The following SAMM50 variants were observed in gnomAD, a reference collection of about 807,000 sequenced individuals.
SAMM50 encodes the protein sorting and assembly machinery component 50 homolog.
A neutral mutation model predicts 66.9 loss-of-function variants in SAMM50; 47 were observed. The ratio of observed to expected loss-of-function variants is 0.70; its 90% confidence interval spans 0.56 to 0.90. The LOEUF (loss-of-function observed/expected upper bound fraction) is 0.90, where lower values mean the gene tolerates loss of function less well. SAMM50 is among the 40% of genes least tolerant of loss of function. The pLI is 0.00. For missense variants in SAMM50, 535 were observed against 595.3 expected, an observed-to-expected ratio of 0.90 and a Z score of 1.05; for synonymous variants, 191 against 214.1, an observed-to-expected ratio of 0.89 and a Z score of 0.94.
intron 9 of SAMM50, 30 bp from the exon 10 acceptor site, chr22:43,977,842 C>T (rs780453725): frequency 2.0e-6 from 3 of 1,503,450 alleles, no homozygotes; most frequent in East Asian, 2.3e-5. Flanking sequence ...TCTGTTTGCT[C>T]CCTTTGACCT....
intron 14 of SAMM50, among the ~76,000 whole-genome samples, chr22:43,993,734 G>C (rs1247086940): frequency 6.6e-6 from 1 of 152,204 alleles, no homozygotes; most frequent in African/African-American, 2.4e-5. Flanking sequence ...CGTGAAGTTG[G>C]AGTGAGGTTG....
chr22:43,978,105 T>C (rs915274862), intron 10 of SAMM50, 147 bp downstream of exon 10: 2 of 590,780 alleles, frequency 3.4e-6, no homozygotes, highest in Admixed American at 3.1e-5. Flanking sequence ...TTTAGCCAGA[T>C]TTGCAGGTAG....
At chr22:43,957,822 G>A (rs958626087) in intron 1 of SAMM50, among the ~76,000 whole-genome samples, 3 of 152,070 alleles carry the variant, frequency 2.0e-5, no homozygotes, top group Non-Finnish European at 2.9e-5. Context: ...GCAGTGGCAC[G>A]GTCTTGGCTC....
In SAMM50 at chr22:43,989,229, C is replaced by T. The variant is rs35939255; in HGVS notation, c.1194C>T (p.Asn398=). Residue 398 remains asparagine, a synonymous_variant, in exon 13 of 15, where the codon AAC becomes AAT. Coordinates refer to ENST00000350028, the MANE Select transcript of SAMM50 (RefSeq NM_015380.5). Reference sequence around the variant, plus strand: ...TTTTCCGAACACACTTCTTTCTCAACGCAGGAAACCTCTGCAACCTCAACT... The same window carrying T: ...TTTTCCGAACACACTTCTTTCTCAATGCAGGAAACCTCTGCAACCTCAACT... ...GELFRTHFFL[N]AGNLCNLNYG... is the part of the protein sequence containing the mutation. 729 of 1,614,138 alleles carry T rather than the reference C, an allele frequency of 4.5e-4. 1 individual carries two copies. The African/African-American group carries it at 7.9e-3, about 17-fold the overall frequency.
chr22:43,976,703 A>G (rs2050234276), intron 8 of SAMM50, 47 bp from the exon 9 acceptor site: 1 of 1,422,708 alleles, frequency 7.0e-7, no homozygotes, highest in Non-Finnish European at 9.9e-7. Context: ...ATGGTTATCT[A>G]ATAGAACTTC....
intron 10 of SAMM50, among the ~76,000 whole-genome samples, chr22:43,979,548 C>T (rs555113235): frequency 2.6e-4 from 39 of 152,288 alleles, no homozygotes; most frequent in Non-Finnish European, 5.0e-4. Flanking sequence ...CGTTCTGAGT[C>T]GTCTCTGCTC....
rs2050316408 is a variant in SAMM50 at position 43,990,286 on chromosome 22, T to C, written c.1244T>C (p.Ile415Thr). The stretch of plus-strand genomic sequence containing the variant: ...TCAGGGGAGGGCCCCAAAGCTCATA[T>C]TCGTAAGCTGGCTGAGTGCATCCGC... ...LNYGEGPKAH[I>T]RKLAECIRWS... is the part of the protein sequence containing the mutation. Residue 415 changes from isoleucine (I) to threonine (T), a missense_variant, in exon 14 of 15, where the codon ATT becomes ACT. By Grantham distance (89) the Ile-to-Thr change is moderately conservative (BLOSUM62 -1). Transcript: ENST00000350028. 3 of 1,614,084 alleles carry C rather than the reference T, an allele frequency of 1.9e-6. No individual in the cohort carries two copies. Among genetic ancestry groups the C allele is most frequent in the South Asian group, 1.1e-5 (1 of 91,092 alleles).
At chr22:43,959,523 C>CACACACACACAA (rs1316503335) in intron 1 of SAMM50, among the ~76,000 whole-genome samples, 1 of 151,504 alleles carries the variant, frequency 6.6e-6, no homozygotes, top group African/African-American at 2.4e-5. Context: ...CACACACACA[C>CACACACACACAA]ACACACACAC....
At chr22:43,992,051 C>T (rs1466615334) in intron 14 of SAMM50, among the ~76,000 whole-genome samples, 2 of 112,352 alleles carry the variant, frequency 1.8e-5, no homozygotes, top group African/African-American at 8.3e-5. Context: ...AGCACCCCAG[C>T]CTGTTTTTTC....
At chr22:43,975,136 C>T (rs996628390) in intron 7 of SAMM50, 1 of 152,270 alleles carries the variant, frequency 6.6e-6, no homozygotes, top group Non-Finnish European at 1.5e-5. Flanking sequence ...TGCCTGAATC[C>T]CAGGTGGCCC....
rs1401117120 is a variant in SAMM50 at position 43,973,233 on chromosome 22, T to G, written c.561-3T>G. On this transcript the variant is annotated splice_region_variant and splice_polypyrimidine_tract_variant and intron_variant, in intron 6 of 14. Coordinates refer to ENST00000350028, the MANE Select transcript of SAMM50 (RefSeq NM_015380.5). ...TTTAAAGCTCTATCCCATTGTCTCCTAGTTTCTCTGTAAACTTATATAAAG... is the reference window on the plus strand; with the variant it reads ...TTTAAAGCTCTATCCCATTGTCTCCGAGTTTCTCTGTAAACTTATATAAAG... The G allele has an allele frequency of 5.1e-6, 8 of 1,572,754 alleles. No individual in the cohort carries two copies. The highest frequency in any genetic ancestry group is 7.0e-6 in the Non-Finnish European group (8 of 1,142,712).
intron 4 of SAMM50, among the ~76,000 whole-genome samples, chr22:43,970,156 G>A (rs925727100): frequency 6.6e-5 from 10 of 152,156 alleles, no homozygotes; most frequent in Admixed American, 5.2e-4. Context: ...ACACAGCTGG[G>A]AGACTGCCAA....
In SAMM50 at chr22:43,976,097, G is replaced by C; in HGVS notation, c.691G>C (p.Val231Leu). The change falls in exon 8 of 15, where the codon GTA becomes CTA. Residue 231 changes from valine (V) to leucine (L), a missense_variant. Transcript: ENST00000350028. ...KTSHTVKWEG[V>L]WRELGCLSRT... ...CAGCCACACTGTCAAGTGGGAAGGCGTATGGCGAGAACTGGGCTGCCTCTC... is the reference window on the plus strand; with the variant it reads ...CAGCCACACTGTCAAGTGGGAAGGCCTATGGCGAGAACTGGGCTGCCTCTC... The C allele has an allele frequency of 6.2e-7, 1 of 1,613,044 alleles. No individual in the cohort carries two copies. The highest frequency in any genetic ancestry group is 8.5e-7 in the Non-Finnish European group (1 of 1,179,040).
chr22:43,957,702 G>A (rs2050127159), intron 1 of SAMM50, among the ~76,000 whole-genome samples: 1 of 152,152 alleles, frequency 6.6e-6, no homozygotes. Flanking sequence ...GAGATTACAG[G>A]TGTGAGCCAC....
intron 1 of SAMM50, among the ~76,000 whole-genome samples, chr22:43,960,212 C>G (rs1232219293): frequency 6.6e-6 from 1 of 152,108 alleles, no homozygotes; most frequent in Non-Finnish European, 1.5e-5. Context: ...TTTGAAAATA[C>G]TGCACAACAA....
In SAMM50 at chr22:43,983,423, T is replaced by G. The variant is rs2050274771; in HGVS notation, c.1008-510T>G. Among the ~76,000 whole-genome samples, 1 of 152,246 alleles carries G rather than the reference T, an allele frequency of 6.6e-6. No homozygotes were observed. Among genetic ancestry groups the G allele is most frequent in the South Asian group, 2.1e-4 (1 of 4,838 alleles). On this transcript the variant is annotated intron_variant, in intron 11 of 14. Transcript: ENST00000350028. The surrounding 1 kb of genome is among the most constrained non-coding windows in gnomAD (Gnocchi z 4.2). Reference sequence around the variant, plus strand: ...GGTGAGAGTGTGACAATCCAGTTCATTAGGGAACAAGAGGAGCTCATATTT... The same window carrying G: ...GGTGAGAGTGTGACAATCCAGTTCAGTAGGGAACAAGAGGAGCTCATATTT...
intron 10 of SAMM50, 69 bp from the exon 11 acceptor site, chr22:43,981,322 C>T: frequency 1.6e-6 from 2 of 1,232,058 alleles, no homozygotes; most frequent in East Asian, 2.3e-5. Flanking sequence ...TGGCCAGTTG[C>T]TAGTTGCTGA....
rs1223836444 is a variant in SAMM50, at chr22:43,955,457, G to C, written c.-121G>C. On this transcript the variant is annotated 5_prime_UTR_variant, in exon 1 of 15. Coordinates refer to ENST00000350028, the MANE Select transcript of SAMM50 (RefSeq NM_015380.5). The stretch of plus-strand genomic sequence containing the variant: ...GGCCGCCCCCAGTGTTCCGCGTCCG[G>C]GGGTTTGTGGGAGTTGCCTTGACCT... 1.7e-6 allele frequency: 2 copies of C among 1,174,068 alleles called. No homozygotes were observed. The highest frequency in any genetic ancestry group is 3.0e-5 in the African/African-American group (2 of 65,806). 72.7% of individuals were successfully genotyped at this position (1,174,068 alleles called of 1,614,324 possible).
chr22:43,958,458 A>T (rs1319410645), intron 1 of SAMM50, among the ~76,000 whole-genome samples: 1 of 145,890 alleles, frequency 6.9e-6, no homozygotes, highest in Non-Finnish European at 1.5e-5. Flanking sequence ...GGAAAAAAGT[A>T]TCTGCCTTTA....
Sources: gnomAD v4.1 joint callset for allele counts (sites outside exome capture counted in the v4.1 genomes callset) on GRCh38, gnomAD v4.1.1 for gene constraint, Gnocchi (gnomAD v3.1) non-coding constraint, MANE v1.5 for transcripts, NCBI Gene and HGNC (gene_info 2026-07-23, HGNC 2026-07-21) for gene names.